The following ACOX3 variants were observed in gnomAD, a reference collection of about 807,000 sequenced individuals.
ACOX3 encodes acyl-CoA oxidase 3, pristanoyl.
Under a neutral mutation model 81.5 loss-of-function variants are expected in ACOX3, and 73 were observed. The observed-to-expected ratio is 0.90, with a 90% CI of 0.74 to 1.09. The LOEUF is 1.09. ACOX3 is among the 50% of genes least tolerant of loss of function. The pLI is 0.00. For missense variants in ACOX3, 947 were observed against 928.0 expected (o/e 1.02, Z -0.27); for synonymous variants, 387 against 375.1 (o/e 1.03, Z -0.37).
At chr4:8,391,280 G>T (rs1718969215) in intron 11 of ACOX3, among the ~76,000 whole-genome samples, 1 of 152,238 alleles carries the variant, frequency 6.6e-6, no homozygotes, top group Non-Finnish European at 1.5e-5. Context: ...TGTGGTGGGA[G>T]TGAGGGGCCA....
chr4:8,366,785 C>T lies in ACOX3; in HGVS notation c.*176G>A, dbSNP rs1016904555. ...GCGATCCCAGATTAGTCCAGCCGGC[C>T]GGGTGCCTCCCTCCCGTCCGCCTGG... On this transcript the variant is annotated 3_prime_UTR_variant, in exon 18 of 18. Transcript: ENST00000356406. The T allele has an allele frequency of 5.4e-5, 41 of 753,706 alleles. No homozygotes were observed. The highest frequency in any genetic ancestry group is 6.8e-5 in the Non-Finnish European group (33 of 488,372). 46.7% of individuals were successfully genotyped at this position (753,706 alleles called of 1,614,324 possible).
At chr4:8,388,781 T>C (rs1718607132) in intron 13 of ACOX3, among the ~76,000 whole-genome samples, 1 of 151,484 alleles carries the variant, frequency 6.6e-6, no homozygotes, top group Admixed American at 6.6e-5. Context: ...GGCCTGGGAG[T>C]GGGGAAGACT....
the ACOX3 span, chr4:8,356,299 A>C: frequency 2.3e-5 from 8 of 354,298 alleles, no homozygotes; most frequent in Non-Finnish European, 3.9e-5. Context: ...TTGTGGCTCT[A>C]CCTGCCCCAC....
intron 13 of ACOX3, among the ~76,000 whole-genome samples, chr4:8,387,457 G>A: frequency 6.6e-6 from 1 of 152,204 alleles, no homozygotes; most frequent in East Asian, 1.9e-4. Flanking sequence ...GCCGGGACAG[G>A]GCGTCGGGAC....
At chr4:8,397,705 C>T (rs1423611544) in intron 8 of ACOX3, among the ~76,000 whole-genome samples, 1 of 152,222 alleles carries the variant, frequency 6.6e-6, no homozygotes, top group Non-Finnish European at 1.5e-5. Flanking sequence ...TAATCTACAG[C>T]CCTTGCCACG....
At chr4:8,408,891 T>TGGGGGGGGGGGGGGGGGGGGGGGGGG (rs200811549) in intron 6 of ACOX3, among the ~76,000 whole-genome samples, 1 of 25,790 alleles carries the variant, frequency 3.9e-5, no homozygotes, top group Non-Finnish European at 6.2e-5. Context: ...GAGCCCTCAC[T>TGGGGGGGGGGGGGGGGGGGGGGGGGG]GGGGGGGGGG....
intron 1 of ACOX3, among the ~76,000 whole-genome samples, chr4:8,426,981 C>A (rs1184042015): frequency 6.6e-6 from 1 of 152,168 alleles, no homozygotes; most frequent in East Asian, 1.9e-4. Flanking sequence ...ATCGGCCAAC[C>A]TCCCCAACAG....
Position 8,414,808 on chromosome 4 carries a change from C to G in ACOX3, c.453+46G>C, listed in dbSNP as rs375704085. ...TCTTTTCACAAATCTCTACAGAGAT[C>G]AAGCAAGAGAACCAGGCTCACAATT... On this transcript the variant is annotated intron_variant, in intron 4 of 17. Coordinates refer to ENST00000356406, the MANE Select transcript of ACOX3 (RefSeq NM_003501.3). The surrounding 1 kb of genome is among the most constrained non-coding windows in gnomAD (Gnocchi z 6.1). 141 of 1,572,252 alleles carry G rather than the reference C, an allele frequency of 9.0e-5. No individual in the cohort carries two copies. The highest frequency in any genetic ancestry group is 1.1e-4 in the Non-Finnish European group (128 of 1,141,944).
chr4:8,424,644 T>G (rs1723277167), intron 1 of ACOX3, among the ~76,000 whole-genome samples: 1 of 152,252 alleles, frequency 6.6e-6, no homozygotes, highest in South Asian at 2.1e-4. Flanking sequence ...ACCGTTTGCT[T>G]AAATATCAGG....
At chr4:8,397,400 G>A (rs2386224) in intron 8 of ACOX3, among the ~76,000 whole-genome samples, 21,716 of 152,226 alleles carry the variant, frequency 0.14, 2,499 homozygotes, top group African/African-American at 0.32. Flanking sequence ...AGCGCTGGGT[G>A]AGGGTGCTCC....
rs1405631142 is a variant in ACOX3 at position 8,384,277 on chromosome 4, A to C, written c.1538-2670T>G. ...TTGGTTTTTCGTGAAAAAATAAATC[A>C]TGTCAGTCTGATGTGTTCATGTGCA... On this transcript the variant is annotated intron_variant, in intron 13 of 17. Transcript: ENST00000356406. The surrounding 1 kb of genome is among the most constrained non-coding windows in gnomAD (Gnocchi z 5.3). Among the ~76,000 whole-genome samples, 1 of 152,214 alleles carries C rather than the reference A, an allele frequency of 6.6e-6. No individual in the cohort carries two copies. The highest frequency in any genetic ancestry group is 1.5e-5 in the Non-Finnish European group (1 of 68,040).
chr4:8,384,220 T>G lies in ACOX3; in HGVS notation c.1538-2613A>C, dbSNP rs1385719753. ...CTTGAGAAATGAGTTATGTTTGCAC[T>G]GTGTTTTTTCCTTACACTCTACTTT... On this transcript the variant is annotated intron_variant, in intron 13 of 17. Transcript: ENST00000356406. The surrounding 1 kb of genome is among the most constrained non-coding windows in gnomAD (Gnocchi z 5.3). Among the ~76,000 whole-genome samples, 2 of 152,236 alleles carry G rather than the reference T, an allele frequency of 1.3e-5. No homozygotes were observed. Among genetic ancestry groups the G allele is most frequent in the Non-Finnish European group, 2.9e-5 (2 of 68,032 alleles).
intron 16 of ACOX3, among the ~76,000 whole-genome samples, chr4:8,371,412 A>C (rs1716175419): frequency 6.6e-6 from 1 of 152,242 alleles, no homozygotes; most frequent in Admixed American, 6.5e-5. Flanking sequence ...AAAAGCCATA[A>C]GCATATGAAG....
chr4:8,374,612 C>G (rs1321391916), intron 15 of ACOX3: 2 of 203,918 alleles, frequency 9.8e-6, no homozygotes, highest in African/African-American at 4.6e-5. Context: ...TCCAGGAAGC[C>G]TTCCAGTATT....
intron 6 of ACOX3, among the ~76,000 whole-genome samples, chr4:8,409,678 G>A (rs1196560907): frequency 2.1e-5 from 3 of 143,870 alleles, no homozygotes; most frequent in Non-Finnish European, 4.6e-5. Flanking sequence ...TGTCTGCACT[G>A]TGGGCAGAGC....
In ACOX3 at chr4:8,368,516, C is replaced by T. The variant is rs1307160959; in HGVS notation, c.1984-1436G>A. 6.6e-6 allele frequency among the ~76,000 whole-genome samples: 1 copy of T among 152,218 alleles called. No individual in the cohort carries two copies. Among genetic ancestry groups the T allele is most frequent in the African/African-American group, 2.4e-5 (1 of 41,464 alleles). ...CGCTAAATGCACTTAGCAACCCCTC[C>T]TCCCCACTCTGCTACTCTGGGCTCC... On this transcript the variant is annotated intron_variant, in intron 17 of 17. Transcript: ENST00000356406. This position sits in a 1 kb window ranked among gnomAD's most constrained non-coding sequence, Gnocchi z 5.9.
chr4:8,411,314 G>T (rs1288636228), intron 5 of ACOX3, among the ~76,000 whole-genome samples: 1 of 152,222 alleles, frequency 6.6e-6, no homozygotes, highest in African/African-American at 2.4e-5. Context: ...AGGGTGGGAG[G>T]CTACAAAATA....
intron 1 of ACOX3, among the ~76,000 whole-genome samples, chr4:8,426,411 G>A (rs969459027): frequency 1.3e-5 from 2 of 152,120 alleles, no homozygotes; most frequent in East Asian, 1.9e-4. Context: ...AGGAGACAAC[G>A]CTAGCTATTC....
chr4:8,372,583 C>T (rs557039898), intron 16 of ACOX3, among the ~76,000 whole-genome samples: 6 of 152,288 alleles, frequency 3.9e-5, no homozygotes, highest in East Asian at 1.9e-4. Flanking sequence ...GATGTTAAGA[C>T]GAGTAAATGT....
Sources: gnomAD v4.1 joint callset for allele counts (sites outside exome capture counted in the v4.1 genomes callset) on GRCh38, gnomAD v4.1.1 for gene constraint, Gnocchi (gnomAD v3.1) non-coding constraint, MANE v1.5 for transcripts, NCBI Gene and HGNC (gene_info 2026-07-23, HGNC 2026-07-21) for gene names.